TAS2R1: variants seen among roughly 807,000 people sequenced by gnomAD.
TAS2R1 encodes the protein taste receptor type 2 member 1.
For missense variants in TAS2R1, 370 were observed against 353.4 expected (o/e 1.05, Z -0.38); for synonymous variants, 141 against 134.2 (o/e 1.05, Z -0.35).
the TAS2R1 span, among the ~76,000 whole-genome samples, chr5:9,834,308 C>A: frequency 3.3e-5 from 5 of 152,212 alleles, no homozygotes; most frequent in Non-Finnish European, 5.9e-5. Context: ...GCCACAGAAT[C>A]CCATCTTAGT....
chr5:9,750,845 C>T, the TAS2R1 span, among the ~76,000 whole-genome samples: 6 of 152,042 alleles, frequency 3.9e-5, no homozygotes, highest in Non-Finnish European at 8.8e-5. Context: ...CAGTCACAGA[C>T]TTTATGCAAT....
chr5:9,827,135 G>C, the TAS2R1 span, among the ~76,000 whole-genome samples: 34 of 152,262 alleles, frequency 2.2e-4, no homozygotes, highest in African/African-American at 7.5e-4. Flanking sequence ...GCACCAGCTT[G>C]AGTTCATCAC....
the TAS2R1 span, among the ~76,000 whole-genome samples, chr5:9,800,496 A>T: frequency 4.6e-5 from 7 of 152,174 alleles, no homozygotes; most frequent in African/African-American, 1.7e-4. Flanking sequence ...GAGCTAAGGA[A>T]GGGCTTCCTA....
the TAS2R1 span, among the ~76,000 whole-genome samples, chr5:9,848,162 C>T: frequency 6.6e-6 from 1 of 152,186 alleles, no homozygotes; most frequent in Non-Finnish European, 1.5e-5. Context: ...CTTATCACTG[C>T]TTCTGTCAGC....
At chr5:9,838,816 C>T in the TAS2R1 span, among the ~76,000 whole-genome samples, 7 of 152,160 alleles carry the variant, frequency 4.6e-5, no homozygotes, top group Non-Finnish European at 5.9e-5. Flanking sequence ...TCATCTTCAA[C>T]GCTGGAAATG....
At chr5:9,814,318 T>G in the TAS2R1 span, among the ~76,000 whole-genome samples, 1 of 150,410 alleles carries the variant, frequency 6.6e-6, no homozygotes, top group Non-Finnish European at 1.5e-5. Context: ...AAAAAAAAAA[T>G]GCTCACAAAA....
At chr5:9,769,648 GTTC>G in the TAS2R1 span, among the ~76,000 whole-genome samples, 1 of 152,084 alleles carries the variant, frequency 6.6e-6, no homozygotes, top group Non-Finnish European at 1.5e-5. Flanking sequence ...TTGATTTGCA[GTTC>G]TCTGATGGTC....
intron 2 of TAS2R1, among the ~76,000 whole-genome samples, chr5:9,647,702 C>T (rs748965773): frequency 1.3e-5 from 2 of 152,094 alleles, no homozygotes; most frequent in African/African-American, 2.4e-5. Flanking sequence ...TTCTTGTATA[C>T]ATCAGACTTT....
the TAS2R1 span, among the ~76,000 whole-genome samples, chr5:9,873,694 C>T: frequency 6.6e-6 from 1 of 151,796 alleles, no homozygotes; most frequent in Non-Finnish European, 1.5e-5. Context: ...TGGTGAAACC[C>T]CGTCTCTACT....
chr5:9,716,742 T>C (rs1004098566), upstream of TAS2R1, among the ~76,000 whole-genome samples: 1 of 152,140 alleles, frequency 6.6e-6, no homozygotes, highest in African/African-American at 2.4e-5. Flanking sequence ...CATGCATAAG[T>C]CTTTCTCTGA....
the TAS2R1 span, among the ~76,000 whole-genome samples, chr5:9,764,112 C>T: frequency 1.3e-5 from 2 of 152,124 alleles, no homozygotes; most frequent in African/African-American, 4.8e-5. Flanking sequence ...AGTCAGACTA[C>T]AGAAAGACAG....
chr5:9,722,738 TC>T, the TAS2R1 span, among the ~76,000 whole-genome samples: 2 of 152,196 alleles, frequency 1.3e-5, no homozygotes, highest in African/African-American at 2.4e-5. Flanking sequence ...GAAAAATACC[TC>T]CTGGTATTTA....
chr5:9,697,220 A>C (rs1381542901), intron 1 of TAS2R1, among the ~76,000 whole-genome samples: 4 of 152,112 alleles, frequency 2.6e-5, no homozygotes, highest in Non-Finnish European at 5.9e-5. Flanking sequence ...AGACAAACAA[A>C]AATTTTAAAA....
the TAS2R1 span, among the ~76,000 whole-genome samples, chr5:9,734,367 C>G: frequency 2.0e-5 from 3 of 152,280 alleles, no homozygotes; most frequent in Non-Finnish European, 4.4e-5. Flanking sequence ...ATCAATACAG[C>G]TCCCTCTCCC....
chr5:9,838,065 A>T, the TAS2R1 span, among the ~76,000 whole-genome samples: 1 of 152,214 alleles, frequency 6.6e-6, no homozygotes, highest in Non-Finnish European at 1.5e-5. Flanking sequence ...AAGTCCATGG[A>T]TGAAATGCAG....
the TAS2R1 span, among the ~76,000 whole-genome samples, chr5:9,751,081 C>A: frequency 6.6e-6 from 1 of 151,146 alleles, no homozygotes; most frequent in African/African-American, 2.4e-5. Flanking sequence ...ATGTCTTTGG[C>A]CACATCTTTT....
chr5:9,776,642 C>T, the TAS2R1 span, among the ~76,000 whole-genome samples: 1 of 152,158 alleles, frequency 6.6e-6, no homozygotes, highest in African/African-American at 2.4e-5. Context: ...CTCACTTTCC[C>T]ATTCCTCCTA....
At chr5:9,826,212 A>T in the TAS2R1 span, among the ~76,000 whole-genome samples, 2 of 152,176 alleles carry the variant, frequency 1.3e-5, no homozygotes, top group Non-Finnish European at 2.9e-5. Context: ...TTGTATAATG[A>T]TGCTAATATC....
the TAS2R1 span, among the ~76,000 whole-genome samples, chr5:9,794,701 A>G: frequency 1.3e-5 from 2 of 152,228 alleles, no homozygotes; most frequent in Admixed American, 6.5e-5. Context: ...CTTAACTGTT[A>G]TATACCTCAT....
Sources: allele counts gnomAD v4.1 joint callset (sites outside exome capture counted in the v4.1 genomes callset), GRCh38; gene constraint gnomAD v4.1.1; transcripts MANE v1.5; gene names NCBI Gene and HGNC (gene_info 2026-07-23, HGNC 2026-07-21).